ZNF536: variants seen among roughly 807,000 people sequenced by gnomAD.
ZNF536 encodes the protein zinc finger protein 536.
A neutral mutation model predicts 84.5 loss-of-function variants in ZNF536; 13 were observed. That is an observed-to-expected ratio of 0.15 (90% CI 0.10 to 0.24). The LOEUF is 0.24. ZNF536 is among the 10% of genes least tolerant of loss of function. The pLI is 1.00. For synonymous variants in ZNF536, 811 were observed against 742.5 expected, an observed-to-expected ratio of 1.09 and a Z score of -1.50; for missense variants, 1,536 against 1,747.5, an observed-to-expected ratio of 0.88 and a Z score of 2.16.
intron 1 of ZNF536, among the ~76,000 whole-genome samples, chr19:30,587,989 G>A (rs1009668823): frequency 6.6e-6 from 1 of 152,246 alleles, no homozygotes; most frequent in African/African-American, 2.4e-5. Context: ...TGCCACTTGT[G>A]GCACTCTTCT....
intron 1 of ZNF536, among the ~76,000 whole-genome samples, chr19:30,240,028 T>G (rs1247845531): frequency 1.3e-5 from 2 of 152,164 alleles, no homozygotes; most frequent in African/African-American, 4.8e-5. Context: ...ATTTGTGAGT[T>G]ATTAACCCAA....
chr19:30,269,952 T>A (rs1430683249), intron 1 of ZNF536, among the ~76,000 whole-genome samples: 1 of 152,228 alleles, frequency 6.6e-6, no homozygotes, highest in African/African-American at 2.4e-5. Flanking sequence ...GTTTTTGTTT[T>A]GGTTGTGATC....
chr19:30,448,157 G>A lies in ZNF536; in HGVS notation c.2170+2425G>A, dbSNP rs1002654574. On this transcript the variant is annotated intron_variant, in intron 2 of 4. Coordinates refer to ENST00000355537, the MANE Select transcript of ZNF536 (RefSeq NM_014717.3). The stretch of plus-strand genomic sequence containing the variant: ...GTGAATACTGATTCTTTCATTTCTG[G>A]TTGACTTCTTTGTTTTCTTCATATT... Among the ~76,000 whole-genome samples the A allele has an allele frequency of 8.6e-4, 130 of 151,976 alleles. 6 individuals carry two copies. The highest frequency in any genetic ancestry group is 5.9e-5 in the Non-Finnish European group (4 of 68,018).
Position 30,252,569 on chromosome 19 carries a change from C to T in ZNF536, c.-190+23896C>T, listed in dbSNP as rs73924251. Among the ~76,000 whole-genome samples, 644 of 147,758 alleles carry T rather than the reference C, an allele frequency of 4.4e-3. 4 individuals carry two copies. Among genetic ancestry groups the T allele is most frequent in the African/African-American group, 0.015 (617 of 40,154 alleles). On this transcript the variant is annotated intron_variant, in intron 1 of 5. Transcript: ENST00000585628. ...TTTCTGCCCACCTGTATGCCATAGC[C>T]CGAGAGACACCTGCCTACCATTTTT...
chr19:30,282,981 C>T (rs145280039), intron 1 of ZNF536, among the ~76,000 whole-genome samples: 8 of 152,288 alleles, frequency 5.3e-5, no homozygotes, highest in African/African-American at 1.9e-4. Flanking sequence ...AGCATGCAGT[C>T]AGCAAACACA....
chr19:30,543,836 T>C (rs1599749616), intron 3 of ZNF536, among the ~76,000 whole-genome samples: 1 of 152,124 alleles, frequency 6.6e-6, no homozygotes, highest in African/African-American at 2.4e-5. Context: ...GGGAAACAGC[T>C]GGGATGTTTC....
At chr19:30,582,375 C>CTTTTT (rs35509271) in intron 1 of ZNF536, among the ~76,000 whole-genome samples, 8 of 89,158 alleles carry the variant, frequency 9.0e-5, no homozygotes, top group Non-Finnish European at 1.3e-4. Context: ...CCTAGTTTCT[C>CTTTTT]TTTTTTTTTT....
chr19:30,711,708 T>A (rs1006335385), exon 2 of ZNF536: 1 of 152,118 alleles, frequency 6.6e-6, no homozygotes, highest in Admixed American at 6.5e-5. Flanking sequence ...GCAGGTTTGA[T>A]GAGTAATTCC....
intron 1 of ZNF536, among the ~76,000 whole-genome samples, chr19:30,568,018 G>A (rs148507823): frequency 0.02 from 2,978 of 152,240 alleles, 35 homozygotes; most frequent in Middle Eastern, 0.031. Flanking sequence ...AGGTTCTTTA[G>A]GGCTATTATG....
chr19:30,541,276 AG>A (rs2045320324), intron 3 of ZNF536, among the ~76,000 whole-genome samples: 1 of 152,146 alleles, frequency 6.6e-6, no homozygotes, highest in Non-Finnish European at 1.5e-5. Flanking sequence ...TAAATATAAA[AG>A]CACTTTGCAT....
At chr19:30,660,959 T>G (rs140169558) in intron 1 of ZNF536, among the ~76,000 whole-genome samples, 8 of 152,352 alleles carry the variant, frequency 5.3e-5, no homozygotes, top group Non-Finnish European at 7.3e-5. Context: ...TGTTTCGTTT[T>G]GTGCAAACAT....
At position 30,479,879 on chromosome 19, in the gene ZNF536, A is replaced by G. The variant is rs148502222; in HGVS notation, c.2170+34147A>G. 2.4e-3 allele frequency among the ~76,000 whole-genome samples: 371 copies of G among 152,204 alleles called. 2 individuals carry two copies. Among genetic ancestry groups the G allele is most frequent in the African/African-American group, 8.6e-3 (357 of 41,536 alleles). On this transcript the variant is annotated intron_variant, in intron 2 of 4. Coordinates refer to ENST00000355537, the MANE Select transcript of ZNF536 (RefSeq NM_014717.3). Reference sequence around the variant, plus strand: ...ATTTCTCTTTTTTATCTCCGTGGAAATCAAAATGCCCTGCTGAGATGCAGA... The same window carrying G: ...ATTTCTCTTTTTTATCTCCGTGGAAGTCAAAATGCCCTGCTGAGATGCAGA...
At chr19:30,420,906 T>A (rs2050927629) in intron 1 of ZNF536, among the ~76,000 whole-genome samples, 2 of 152,348 alleles carry the variant, frequency 1.3e-5, no homozygotes, top group East Asian at 1.9e-4. Flanking sequence ...ACTAGAACTT[T>A]AGCCTGCCTG....
chr19:30,535,109 G>A (rs79174610), intron 3 of ZNF536, 110 bp downstream of exon 3: 3 of 1,312,054 alleles, frequency 2.3e-6, no homozygotes, highest in South Asian at 3.2e-5. Flanking sequence ...ACTCTGGAAG[G>A]TTCTCCCTGG....
chr19:30,514,622 G>A (rs2055557034), intron 2 of ZNF536, among the ~76,000 whole-genome samples: 1 of 151,742 alleles, frequency 6.6e-6, no homozygotes, highest in Non-Finnish European at 1.5e-5. Context: ...TTTTCTTGGG[G>A]CATCAAGACC....
chr19:30,548,389 A>G lies in ZNF536; in HGVS notation c.2770A>G (p.Ser924Gly), dbSNP rs376079476. The G allele has an allele frequency of 4.3e-5, 70 of 1,614,110 alleles. No homozygotes were observed. In the Middle Eastern group the frequency reaches 4.9e-4, roughly 11 times the overall value. ...FQGSLQAFMD[S>G]FVLSSLKKEK... is the part of the protein sequence containing the mutation. ...AGGGTCCTTGCAAGCTTTCATGGAC[A>G]GTTTTGTCCTCAGTTCCTTGAAGAA... Residue 924 changes from serine (S) to glycine (G), a missense_variant, in exon 4 of 5, where the codon AGT (serine) becomes GGT (glycine). Transcript: ENST00000355537.
chr19:30,703,744 G>T (rs1005994974), intron 1 of ZNF536, among the ~76,000 whole-genome samples: 3 of 152,168 alleles, frequency 2.0e-5, no homozygotes, highest in Non-Finnish European at 4.4e-5. Flanking sequence ...CAGCAGCCGT[G>T]CCAATCACCA....
chr19:30,507,517 G>A (rs775069609), intron 2 of ZNF536, among the ~76,000 whole-genome samples: 2 of 152,076 alleles, frequency 1.3e-5, no homozygotes, highest in Non-Finnish European at 2.9e-5. Context: ...AAACAAAAAA[G>A]CAACTTAAAA....
At chr19:30,293,137 AG>A (rs2045894270) in intron 2 of ZNF536, among the ~76,000 whole-genome samples, 1 of 151,992 alleles carries the variant, frequency 6.6e-6, no homozygotes, top group Admixed American at 6.5e-5. Context: ...CATCTCCCAG[AG>A]GCTGTCTTGG....
Sources: allele counts gnomAD v4.1 joint callset (sites outside exome capture counted in the v4.1 genomes callset), GRCh38; gene constraint gnomAD v4.1.1; transcripts MANE v1.5; gene names NCBI Gene and HGNC (gene_info 2026-07-23, HGNC 2026-07-21).